Variants in CSMD1 observed in about 807,000 individuals in gnomAD.
CSMD1 encodes CUB and Sushi multiple domains 1.
In CSMD1, 213 loss-of-function variants were observed where a neutral mutation model predicts 417.5. The ratio of observed to expected loss-of-function variants is 0.51; its 90% CI spans 0.46 to 0.57. CSMD1 has a LOEUF of 0.57. CSMD1 is among the 20% of genes least tolerant of loss of function. The pLI, the probability that CSMD1 is intolerant of heterozygous loss-of-function variation, is 0.00. For missense variants in CSMD1, 6,923 were observed against 4,529.7 expected (o/e 1.53, Z -15.17); for synonymous variants, 2,862 against 1,736.8 (o/e 1.65, Z -16.11).
rs542820562 is a variant in CSMD1, at chr8:4,179,448, A to C, written c.416-147349T>G. ...CAATTCAAGATGGATTAAAGACTTA[A>C]ACGTTAGACCTAAAACCATAAAAAC... is the stretch of plus-strand genomic sequence containing the variant. On this transcript the variant is annotated intron_variant, in intron 3 of 69. Coordinates refer to ENST00000635120, the MANE Select transcript of CSMD1 (RefSeq NM_033225.6). 2.0e-5 allele frequency among the ~76,000 whole-genome samples: 3 copies of C among 152,054 alleles called. No individual in the cohort carries two copies. The South Asian group carries it at 6.3e-4, about 32-fold the overall frequency.
intron 1 of CSMD1, among the ~76,000 whole-genome samples, chr8:4,865,318 A>G (rs1802364890): frequency 6.6e-6 from 1 of 151,946 alleles, no homozygotes. Flanking sequence ...AGAAAATCTC[A>G]TTAAGAATCT....
intron 3 of CSMD1, among the ~76,000 whole-genome samples, chr8:4,264,095 C>G (rs1350026712): frequency 6.6e-6 from 1 of 152,146 alleles, no homozygotes; most frequent in African/African-American, 2.4e-5. Flanking sequence ...TAACATCAAA[C>G]TATCAAGAAT....
chr8:3,010,603 G>C (rs970143497), intron 52 of CSMD1, among the ~76,000 whole-genome samples: 1 of 152,086 alleles, frequency 6.6e-6, no homozygotes, highest in Non-Finnish European at 1.5e-5. Flanking sequence ...TTTACCCCAT[G>C]CCTGCTTGCT....
chr8:3,829,283 G>C (rs941454880), intron 5 of CSMD1, among the ~76,000 whole-genome samples: 3 of 152,052 alleles, frequency 2.0e-5, no homozygotes, highest in African/African-American at 7.2e-5. Context: ...ACGATGTTTG[G>C]TTTTCCATTC....
intron 11 of CSMD1, among the ~76,000 whole-genome samples, chr8:3,476,442 G>T (rs1183906959): frequency 6.6e-6 from 1 of 152,064 alleles, no homozygotes; most frequent in African/African-American, 2.4e-5. Context: ...TTTTTCTAGG[G>T]TAAATACTTA....
chr8:3,630,650 G>A (rs1024549683), intron 7 of CSMD1, among the ~76,000 whole-genome samples: 1 of 152,170 alleles, frequency 6.6e-6, no homozygotes, highest in Non-Finnish European at 1.5e-5. Context: ...GCAGCAGACA[G>A]ATTTCATTGC....
At chr8:4,198,421 T>A (rs112243061) in intron 3 of CSMD1, among the ~76,000 whole-genome samples, 1 of 152,112 alleles carries the variant, frequency 6.6e-6, no homozygotes, top group African/African-American at 2.4e-5. Flanking sequence ...ATTGGCAATA[T>A]AGATAAGCCA....
chr8:3,165,207 A>G (rs1387817730), intron 37 of CSMD1, among the ~76,000 whole-genome samples: 1 of 151,970 alleles, frequency 6.6e-6, no homozygotes, highest in Admixed American at 6.6e-5. Context: ...ATGCAAAGAG[A>G]TTAATACCTG....
intron 5 of CSMD1, among the ~76,000 whole-genome samples, chr8:3,924,419 A>C (rs1185322845): frequency 6.6e-6 from 1 of 152,084 alleles, no homozygotes; most frequent in Non-Finnish European, 1.5e-5. Context: ...CCCTCTCCAG[A>C]TTTGGAAAGC....
At chr8:3,789,444 T>A (rs1263404111) in intron 5 of CSMD1, among the ~76,000 whole-genome samples, 1 of 2,826 alleles carries the variant, frequency 3.5e-4, no homozygotes, top group South Asian at 9.3e-3. Flanking sequence ...TTTTAAGTGT[T>A]TTTTTTTTTT....
intron 3 of CSMD1, among the ~76,000 whole-genome samples, chr8:4,388,858 A>G (rs141535468): frequency 2.8e-4 from 43 of 152,320 alleles, no homozygotes; most frequent in African/African-American, 1.0e-3. Context: ...ACCATTTAAA[A>G]CTTTGAAATC....
At chr8:3,700,011 G>C (rs948818967) in intron 7 of CSMD1, among the ~76,000 whole-genome samples, 2 of 152,022 alleles carry the variant, frequency 1.3e-5, no homozygotes, top group Non-Finnish European at 2.9e-5. Context: ...TTGTGTTCCT[G>C]AGACTCTTAT....
intron 2 of CSMD1, among the ~76,000 whole-genome samples, chr8:4,443,655 TTAAA>T (rs1563179492): frequency 6.6e-6 from 1 of 152,166 alleles, no homozygotes; most frequent in Non-Finnish European, 1.5e-5. Flanking sequence ...TGACGTGCAG[TTAAA>T]GAAATAGCAT....
At chr8:3,309,809 A>C (rs1805186162) in intron 23 of CSMD1, among the ~76,000 whole-genome samples, 1 of 152,192 alleles carries the variant, frequency 6.6e-6, no homozygotes, top group Non-Finnish European at 1.5e-5. Flanking sequence ...TCTTAACTTC[A>C]CAATATAATT....
chr8:3,062,390 T>C lies in CSMD1; in HGVS notation c.7475-9743A>G, dbSNP rs150039988. Among the ~76,000 whole-genome samples, 283 of 152,288 alleles carry C rather than the reference T, an allele frequency of 1.9e-3. 2 individuals are homozygous for C. Among genetic ancestry groups the C allele is most frequent in the African/African-American group, 6.2e-3 (257 of 41,564 alleles). On this transcript the variant is annotated intron_variant, in intron 49 of 69. Coordinates refer to ENST00000635120, the MANE Select transcript of CSMD1 (RefSeq NM_033225.6). ...TCTTTACTATGTGTAGGTGGTGCGA[T>C]GTCGGGTGTTTCCAAGGAGTAAACA...
chr8:3,041,399 T>C (rs148149702), intron 50 of CSMD1, among the ~76,000 whole-genome samples: 101 of 152,280 alleles, frequency 6.6e-4, no homozygotes, highest in African/African-American at 2.2e-3. Flanking sequence ...CCAGGTAATA[T>C]CATAAATATG....
intron 1 of CSMD1, among the ~76,000 whole-genome samples, chr8:4,718,951 G>A (rs946581642): frequency 2.6e-5 from 4 of 152,072 alleles, no homozygotes; most frequent in Admixed American, 6.6e-5. Context: ...CAGGAAAAAT[G>A]AGAACGTTCA....
At chr8:4,833,844 G>C (rs754516606) in intron 1 of CSMD1, among the ~76,000 whole-genome samples, 3 of 152,186 alleles carry the variant, frequency 2.0e-5, no homozygotes, top group Non-Finnish European at 4.4e-5. Context: ...AGTTGGCTAC[G>C]TTGGCTAGCT....
intron 26 of CSMD1, among the ~76,000 whole-genome samples, chr8:3,236,433 T>C (rs1799161694): frequency 1.3e-5 from 2 of 152,152 alleles, no homozygotes; most frequent in South Asian, 4.1e-4. Context: ...ATAAGAAGGC[T>C]TGAGGAAGGA....
Sources: allele counts gnomAD v4.1 joint callset (sites outside exome capture counted in the v4.1 genomes callset), GRCh38; gene constraint gnomAD v4.1.1; transcripts MANE v1.5; gene names NCBI Gene and HGNC (gene_info 2026-07-23, HGNC 2026-07-21).